Variants in CNTNAP5 observed in about 807,000 individuals in gnomAD.
The protein encoded by CNTNAP5 is contactin associated protein family member 5.
In CNTNAP5, 72 loss-of-function variants were observed where a neutral mutation model predicts 150.2. The ratio of observed to expected loss-of-function variants is 0.48; its 90% CI spans 0.40 to 0.58. The LOEUF is 0.58. Ranked by LOEUF, CNTNAP5 falls within the 20% of genes least tolerant of loss-of-function variation. The probability of loss-of-function intolerance (pLI) is 0.00; values close to 1 mark genes in which losing one functional copy is unlikely to be tolerated. For synonymous variants in CNTNAP5, 672 were observed against 619.8 expected, an observed-to-expected ratio of 1.08 and a Z score of -1.25; for missense variants, 1,636 against 1,626.2, an observed-to-expected ratio of 1.01 and a Z score of -0.10.
At chr2:124,491,826 C>T (rs1054230678) in intron 7 of CNTNAP5, among the ~76,000 whole-genome samples, 2 of 151,836 alleles carry the variant, frequency 1.3e-5, no homozygotes, top group Non-Finnish European at 2.9e-5. Flanking sequence ...TTTCAACTTG[C>T]ATTGTGGTTT....
At chr2:124,476,150 C>A (rs557760367) in intron 7 of CNTNAP5, among the ~76,000 whole-genome samples, 1 of 152,122 alleles carries the variant, frequency 6.6e-6, no homozygotes, top group South Asian at 2.1e-4. Context: ...CCATTGACAT[C>A]CCTTTATCTT....
In CNTNAP5 at chr2:124,764,137, C is replaced by A. The variant is rs1193563136; in HGVS notation, c.2523C>A (p.Leu841=). Residue 841 remains leucine, a synonymous_variant, in exon 16 of 24, where the codon CTC becomes CTA. Transcript: ENST00000682447. ...TTGGCATTAAAGACTTCATTCGACT[C>A]GAAATAAGCTGTAAGTGCCCTCAAT... ...ENLGIKDFIR[L]EISSPSEITF... is the part of the protein sequence containing the mutation. 1 of 1,611,668 alleles carries A rather than the reference C, an allele frequency of 6.2e-7. No homozygotes were observed. Among genetic ancestry groups the A allele is most frequent in the Admixed American group, 1.7e-5 (1 of 59,906 alleles).
At chr2:124,581,220 T>G (rs570436794) in intron 11 of CNTNAP5, among the ~76,000 whole-genome samples, 1 of 152,216 alleles carries the variant, frequency 6.6e-6, no homozygotes, top group Non-Finnish European at 1.5e-5. Context: ...AAAATTCTTC[T>G]CCGAACATGA....
chr2:124,725,701 G>A (rs896422474), intron 13 of CNTNAP5, among the ~76,000 whole-genome samples: 9 of 151,766 alleles, frequency 5.9e-5, no homozygotes, highest in Non-Finnish European at 1.0e-4. Context: ...TGTACTCTTC[G>A]AACGACATGT....
intron 12 of CNTNAP5, among the ~76,000 whole-genome samples, chr2:124,633,730 G>T (rs1460661513): frequency 6.6e-6 from 1 of 152,180 alleles, no homozygotes; most frequent in Non-Finnish European, 1.5e-5. Context: ...CCCTGGAGCA[G>T]GTTTTTGCCT....
intron 11 of CNTNAP5, among the ~76,000 whole-genome samples, chr2:124,592,697 T>C (rs1019947389): frequency 3.3e-5 from 5 of 151,918 alleles, no homozygotes; most frequent in African/African-American, 1.2e-4. Flanking sequence ...CATTAGCACT[T>C]ATTTTTCTAT....
intron 7 of CNTNAP5, among the ~76,000 whole-genome samples, chr2:124,488,595 G>T (rs1296001626): frequency 6.6e-6 from 1 of 152,122 alleles, no homozygotes; most frequent in Non-Finnish European, 1.5e-5. Context: ...TTATAAAAAT[G>T]GTGATCGATA....
intron 2 of CNTNAP5, 111 bp from the exon 3 acceptor site, chr2:124,242,089 G>A (rs1573861178): frequency 1.1e-5 from 9 of 823,692 alleles, no homozygotes; most frequent in Middle Eastern, 3.7e-4. Context: ...GCCCATTTGG[G>A]GGTAGAGTCA....
intron 19 of CNTNAP5, among the ~76,000 whole-genome samples, chr2:124,849,771 T>A (rs1419787863): frequency 1.3e-5 from 2 of 152,234 alleles, no homozygotes; most frequent in African/African-American, 4.8e-5. Flanking sequence ...GACAAGTTCT[T>A]AACAATGAAG....
At chr2:124,843,431 G>A (rs1254453315) in intron 19 of CNTNAP5, among the ~76,000 whole-genome samples, 1 of 151,642 alleles carries the variant, frequency 6.6e-6, no homozygotes, top group East Asian at 1.9e-4. Context: ...GAGCATTTGG[G>A]CTGGTTCCAT....
At chr2:124,848,054 T>A (rs1161713339) in intron 19 of CNTNAP5, among the ~76,000 whole-genome samples, 1 of 152,190 alleles carries the variant, frequency 6.6e-6, no homozygotes, top group Non-Finnish European at 1.5e-5. Flanking sequence ...GATGGGTCGA[T>A]ACATATAAAC....
chr2:124,028,717 A>C (rs761381962), intron 1 of CNTNAP5, among the ~76,000 whole-genome samples: 2 of 152,228 alleles, frequency 1.3e-5, no homozygotes, highest in Non-Finnish European at 2.9e-5. Flanking sequence ...TAGTTGGTTA[A>C]AGTGAAACTG....
At chr2:124,433,012 T>A (rs957790508) in intron 4 of CNTNAP5, among the ~76,000 whole-genome samples, 11 of 152,248 alleles carry the variant, frequency 7.2e-5, no homozygotes, top group Admixed American at 6.5e-4. Flanking sequence ...CAGTTTTCTC[T>A]AATGGATATA....
At chr2:124,218,601 T>A (rs762067187) in intron 1 of CNTNAP5, among the ~76,000 whole-genome samples, 1 of 152,136 alleles carries the variant, frequency 6.6e-6, no homozygotes, top group Admixed American at 6.6e-5. Flanking sequence ...ATTGACTAAT[T>A]TCCAAAGTGG....
intron 14 of CNTNAP5, among the ~76,000 whole-genome samples, chr2:124,753,476 T>A (rs1573594306): frequency 6.6e-6 from 1 of 152,348 alleles, no homozygotes; most frequent in Non-Finnish European, 1.5e-5. Context: ...CCATTACTCC[T>A]GTTTCACAAT....
chr2:124,287,029 A>G (rs558212882), intron 3 of CNTNAP5, among the ~76,000 whole-genome samples: 1 of 152,284 alleles, frequency 6.6e-6, no homozygotes, highest in African/African-American at 2.4e-5. Context: ...TGAGAGATGA[A>G]TGCTTCATGT....
chr2:124,131,116 T>A (rs935933001), intron 1 of CNTNAP5, among the ~76,000 whole-genome samples: 1 of 152,184 alleles, frequency 6.6e-6, no homozygotes, highest in Non-Finnish European at 1.5e-5. Flanking sequence ...AGTTGATGTA[T>A]CCTTCACCTA....
chr2:124,435,506 A>T (rs1001219381), intron 5 of CNTNAP5, among the ~76,000 whole-genome samples: 2 of 152,108 alleles, frequency 1.3e-5, no homozygotes, highest in African/African-American at 4.8e-5. Flanking sequence ...AGAAAGAAAG[A>T]GATAAGCTGA....
chr2:124,774,766 A>T (rs1681282971), intron 17 of CNTNAP5, among the ~76,000 whole-genome samples: 1 of 152,162 alleles, frequency 6.6e-6, no homozygotes, highest in Non-Finnish European at 1.5e-5. Flanking sequence ...GCTGAAAGGT[A>T]TATATAAAGA....
Sources: gnomAD v4.1 joint callset for allele counts (sites outside exome capture counted in the v4.1 genomes callset) on GRCh38, gnomAD v4.1.1 for gene constraint, MANE v1.5 for transcripts, NCBI Gene and HGNC (gene_info 2026-07-23, HGNC 2026-07-21) for gene names.